Variants in SLC7A8 observed in about 807,000 individuals in gnomAD.
SLC7A8 encodes solute carrier family 7 member 8.
SLC7A8 carries 30 observed loss-of-function variants against 51.2 expected under a neutral mutation model. The ratio of observed to expected loss-of-function variants is 0.59; its 90% CI spans 0.44 to 0.80. The LOEUF is 0.80. SLC7A8 is among the 30% of genes least tolerant of loss of function. The pLI is 0.00. For missense variants in SLC7A8, 612 were observed against 674.4 expected (o/e 0.91, Z 1.03); for synonymous variants, 257 against 275.8 (o/e 0.93, Z 0.67).
intron 3 of SLC7A8, among the ~76,000 whole-genome samples, chr14:23,152,854 T>C (rs962959655): frequency 8.5e-5 from 13 of 152,158 alleles, no homozygotes; most frequent in Admixed American, 2.0e-4. Flanking sequence ...TCATTTCTTC[T>C]ACTAAGCCAG....
intron 1 of SLC7A8, among the ~76,000 whole-genome samples, chr14:23,172,290 G>C (rs1024198507): frequency 1.3e-5 from 2 of 152,220 alleles, no homozygotes; most frequent in Non-Finnish European, 2.9e-5. Context: ...AGCCAGGACT[G>C]TGAAACATTC....
intron 10 of SLC7A8, 131 bp downstream of exon 10, chr14:23,127,888 T>G: frequency 2.5e-6 from 2 of 787,476 alleles, no homozygotes; most frequent in South Asian, 1.8e-5. Context: ...TCTGGACTCT[T>G]CCAGGGCTCT....
Position 23,166,440 on chromosome 14 carries a change from G to A in SLC7A8, c.252C>T (p.Phe84=). The change falls in exon 2 of 11, where the codon TTC becomes TTT. Residue 84 remains phenylalanine (F), a synonymous_variant. Transcript: ENST00000316902. ...AGCAGAGGGCTCCCACAACTGTGATGAAGCCCGTCACAATCCAGACGATGA... is the reference window on the plus strand; with the variant it reads ...AGCAGAGGGCTCCCACAACTGTGATAAAGCCCGTCACAATCCAGACGATGA... ...LALIVWIVTG[F]ITVVGALCYA... is the part of the protein sequence containing the mutation. 1.9e-6 allele frequency: 3 copies of A among 1,614,202 alleles called. No individual in the cohort carries two copies. Among genetic ancestry groups the A allele is most frequent in the Non-Finnish European group, 2.5e-6 (3 of 1,180,038 alleles).
intron 3 of SLC7A8, among the ~76,000 whole-genome samples, chr14:23,161,354 C>T (rs1007068970): frequency 6.6e-6 from 1 of 152,038 alleles, no homozygotes; most frequent in African/African-American, 2.4e-5. Flanking sequence ...CTCCAGTGCC[C>T]TCCATTATAC....
intron 3 of SLC7A8, 93 bp from the exon 4 acceptor site, chr14:23,143,297 C>T (rs113405103): frequency 2.0e-4 from 308 of 1,538,738 alleles, no homozygotes; most frequent in Non-Finnish European, 2.6e-4. Context: ...CTCATCCTGA[C>T]GATGACATTG....
intron 3 of SLC7A8, among the ~76,000 whole-genome samples, chr14:23,161,280 C>T (rs543008966): frequency 1.6e-3 from 240 of 152,182 alleles, no homozygotes; most frequent in Non-Finnish European, 2.7e-3. Context: ...TCCTCCCTCC[C>T]CCAGCAAACC....
chr14:23,132,092 C>T (rs988275290), intron 7 of SLC7A8, among the ~76,000 whole-genome samples: 47 of 151,190 alleles, frequency 3.1e-4, no homozygotes, highest in African/African-American at 1.1e-3. Flanking sequence ...GCAACCTCCG[C>T]CTCCCAGGTT....
chr14:23,155,121 G>GTAAC (rs1236849227), intron 3 of SLC7A8: 7 of 1,513,004 alleles, frequency 4.6e-6, no homozygotes, highest in Non-Finnish European at 5.3e-6. Context: ...TCGCACGATA[G>GTAAC]TAACATTTCC....
rs1022370734 is a variant in SLC7A8, at chr14:23,133,812, A to G, written c.1017-2255T>C. On this transcript the variant is annotated intron_variant, in intron 7 of 10. Transcript: ENST00000316902. ...GCACTCCAACCTGGATGACAGAGTG[A>G]AACTCTGTCTCAAAGAAAAAAAAAA... Among the ~76,000 whole-genome samples, 9 of 152,198 alleles carry G rather than the reference A, an allele frequency of 5.9e-5. No homozygotes were observed. In the East Asian group the frequency reaches 1.7e-3, roughly 29 times the overall value.
At chr14:23,137,397 G>A (rs1362074138) in intron 7 of SLC7A8, among the ~76,000 whole-genome samples, 1 of 152,176 alleles carries the variant, frequency 6.6e-6, no homozygotes, top group Non-Finnish European at 1.5e-5. Context: ...TGTTGAGCAG[G>A]GAGGAGCTCT....
intron 7 of SLC7A8, among the ~76,000 whole-genome samples, chr14:23,132,800 TA>T (rs1383199798): frequency 6.6e-6 from 1 of 151,990 alleles, no homozygotes; most frequent in Non-Finnish European, 1.5e-5. Context: ...CACACCCAGC[TA>T]ATTTTTGTAT....
chr14:23,126,698 A>C lies in SLC7A8; in HGVS notation c.*479T>G. ...AGGGCAGAGGGAAGCATCCCCTTGG[A>C]TTTTGGGTCCCTGGTGAACAGATAG... On this transcript the variant is annotated 3_prime_UTR_variant, in exon 11 of 11. Transcript: ENST00000316902. 1 of 162,006 alleles carries C rather than the reference A, an allele frequency of 6.2e-6. No homozygotes were observed. The highest frequency in any genetic ancestry group is 1.8e-4 in the East Asian group (1 of 5,510). The allele number at this position is 162,006 out of a possible 1,614,324, so 10.0% of individuals were successfully genotyped here.
At chr14:23,152,706 C>T (rs2048858221) in intron 3 of SLC7A8, among the ~76,000 whole-genome samples, 1 of 152,176 alleles carries the variant, frequency 6.6e-6, no homozygotes, top group Non-Finnish European at 1.5e-5. Flanking sequence ...TGAGCCGCCA[C>T]ACCCGGTGAT....
At position 23,137,918 on chromosome 14, in the gene SLC7A8, C is replaced by T. The variant is rs781364470; in HGVS notation, c.1016+3G>A. The T allele has an allele frequency of 1.2e-6, 2 of 1,613,424 alleles. No individual in the cohort carries two copies. Among genetic ancestry groups the T allele is most frequent in the East Asian group, 2.2e-5 (1 of 44,876 alleles). ...GCCGGGGAAGGGCCCAGGCAGCACT[C>T]ACCGAGAGGAGGTGAAGAGAGACCC... On this transcript the variant is annotated splice_donor_region_variant and intron_variant, in intron 7 of 10. Transcript: ENST00000316902.
intron 3 of SLC7A8, among the ~76,000 whole-genome samples, chr14:23,145,067 C>G (rs1488034303): frequency 6.7e-6 from 1 of 149,456 alleles, no homozygotes; most frequent in Non-Finnish European, 1.5e-5. Context: ...ACTACAGGCG[C>G]CCGCCACCAC....
chr14:23,130,118 G>A (rs1431695034), intron 8 of SLC7A8: 1 of 261,950 alleles, frequency 3.8e-6, no homozygotes. Flanking sequence ...GTCAGCCCCG[G>A]TCTCATTTGT....
intron 3 of SLC7A8, among the ~76,000 whole-genome samples, chr14:23,147,422 C>G (rs557940927): frequency 6.6e-6 from 1 of 152,190 alleles, no homozygotes. Flanking sequence ...AAGCTATTCA[C>G]GGAAGCTAGT....
Position 23,129,636 on chromosome 14 carries a change from G to T in SLC7A8, c.1263+14C>A. ...AGAGGAAGGGGAGGGGACCCCAAAG[G>T]GAGTTTCTCTCACCTTGATGGGGCG... On this transcript the variant is annotated intron_variant, in intron 9 of 10. Coordinates refer to ENST00000316902, the MANE Select transcript of SLC7A8 (RefSeq NM_012244.4). The T allele has an allele frequency of 6.2e-7, 1 of 1,613,274 alleles. No individual in the cohort carries two copies. The highest frequency in any genetic ancestry group is 8.5e-7 in the Non-Finnish European group (1 of 1,179,612).
Position 23,139,281 on chromosome 14 carries a change from G to A in SLC7A8, c.912+143C>T, listed in dbSNP as rs1188201454. The A allele has an allele frequency of 1.0e-5, 13 of 1,283,934 alleles. No homozygotes were observed. In the East Asian group the frequency reaches 2.8e-4, roughly 28 times the overall value. The allele number at this position is 1,283,934 out of a possible 1,614,324, so 79.5% of individuals were successfully genotyped here. On this transcript the variant is annotated intron_variant, in intron 6 of 10. Coordinates refer to ENST00000316902, the MANE Select transcript of SLC7A8 (RefSeq NM_012244.4). Reference sequence around the variant, plus strand: ...GGCACTTAAAGATACCCCAGCCAATGACATATGTGGTTTCTGCCCTGAGAA... The same window carrying A: ...GGCACTTAAAGATACCCCAGCCAATAACATATGTGGTTTCTGCCCTGAGAA...
Sources: allele counts gnomAD v4.1 joint callset (sites outside exome capture counted in the v4.1 genomes callset), GRCh38; gene constraint gnomAD v4.1.1; transcripts MANE v1.5; gene names NCBI Gene and HGNC (gene_info 2026-07-23, HGNC 2026-07-21).